The following SOX6 variants were observed in gnomAD, a reference collection of about 807,000 sequenced individuals.
SOX6 encodes the protein transcription factor SOX-6.
Under a neutral mutation model 97.8 loss-of-function variants are expected in SOX6, and 11 were observed. That is an observed-to-expected ratio of 0.11 (90% CI 0.07 to 0.19). The LOEUF (loss-of-function observed/expected upper bound fraction) is 0.19. SOX6 is among the 10% of genes least tolerant of loss of function. The pLI, the probability that SOX6 is intolerant of heterozygous loss-of-function variation, is 1.00. For missense variants in SOX6, 810 were observed against 1,039.5 expected, an observed-to-expected ratio of 0.78 and a Z score of 3.04; for synonymous variants, 360 against 371.4, an observed-to-expected ratio of 0.97 and a Z score of 0.35.
chr11:16,346,704 C>T (rs1856786075), intron 1 of SOX6, among the ~76,000 whole-genome samples: 2 of 152,046 alleles, frequency 1.3e-5, no homozygotes, highest in Non-Finnish European at 1.5e-5. Flanking sequence ...TGTAGCAGCA[C>T]TTTCAGAACA....
At chr11:16,257,842 A>G (rs1853739180) in intron 3 of SOX6, among the ~76,000 whole-genome samples, 1 of 91,314 alleles carries the variant, frequency 1.1e-5, no homozygotes, top group South Asian at 3.8e-4. Flanking sequence ...ATATACAAAT[A>G]ACTCTTAAAA....
chr11:16,524,693 T>C (rs1861126821), intron 4 of SOX6, among the ~76,000 whole-genome samples: 2 of 152,058 alleles, frequency 1.3e-5, no homozygotes, highest in Admixed American at 1.3e-4. Context: ...AGTCAAATTG[T>C]CCCCGTTTGC....
chr11:16,708,696 T>C (rs1848154663), intron 3 of SOX6, among the ~76,000 whole-genome samples: 1 of 152,176 alleles, frequency 6.6e-6, no homozygotes, highest in South Asian at 2.1e-4. Context: ...TTTTTCTTTA[T>C]CCTCATAGAG....
intron 4 of SOX6, among the ~76,000 whole-genome samples, chr11:16,513,354 C>T (rs1054090737): frequency 2.0e-5 from 3 of 152,162 alleles, no homozygotes; most frequent in Non-Finnish European, 2.9e-5. Context: ...GGAAGGGGGC[C>T]GGGCACAGTG....
chr11:16,698,245 G>C (rs1848068320), intron 3 of SOX6, among the ~76,000 whole-genome samples: 1 of 152,184 alleles, frequency 6.6e-6, no homozygotes, highest in African/African-American at 2.4e-5. Flanking sequence ...GTAACTTACT[G>C]CAGTTTTTTC....
rs541607480 is a variant in SOX6 at position 16,242,778 on chromosome 11, T to A, written c.446-8107A>T. Among the ~76,000 whole-genome samples, 3 of 152,116 alleles carry A rather than the reference T, an allele frequency of 2.0e-5. No individual in the cohort carries two copies. The South Asian group carries it at 6.2e-4, about 31-fold the overall frequency. ...TTAAATTATAAAATGTTTTTACTGATAAAATATCCATTTTTATCTATTTTA... is the reference window on the plus strand; with the variant it reads ...TTAAATTATAAAATGTTTTTACTGAAAAAATATCCATTTTTATCTATTTTA... On this transcript the variant is annotated intron_variant, in intron 3 of 15. Coordinates refer to ENST00000683767, the MANE Select transcript of SOX6 (RefSeq NM_001367873.1).
At chr11:16,548,560 A>T (rs1234933617) in intron 4 of SOX6, among the ~76,000 whole-genome samples, 1 of 152,170 alleles carries the variant, frequency 6.6e-6, no homozygotes, top group Non-Finnish European at 1.5e-5. Flanking sequence ...GCCTTGGCTT[A>T]GGTAAAGATA....
chr11:16,014,105 GTC>G (rs1486507384), intron 13 of SOX6, among the ~76,000 whole-genome samples: 1 of 152,050 alleles, frequency 6.6e-6, no homozygotes, highest in Non-Finnish European at 1.5e-5. Context: ...GGGAAAACCA[GTC>G]TCTACTCTGT....
chr11:16,061,282 C>T (rs1169419947), intron 9 of SOX6, among the ~76,000 whole-genome samples: 1 of 128,222 alleles, frequency 7.8e-6, no homozygotes, highest in African/African-American at 2.9e-5. Context: ...AGAAAGAAGG[C>T]AATCCCAGTT....
intron 5 of SOX6, 76 bp downstream of exon 5, chr11:16,186,707 G>T: frequency 6.9e-7 from 1 of 1,456,802 alleles, no homozygotes; most frequent in Non-Finnish European, 9.6e-7. Context: ...CAACAAATAA[G>T]CCAATCAATT....
chr11:16,022,441 T>G (rs1161432535), intron 12 of SOX6, among the ~76,000 whole-genome samples: 1 of 149,158 alleles, frequency 6.7e-6, no homozygotes, highest in Non-Finnish European at 1.5e-5. Flanking sequence ...TGACAGAGTC[T>G]CATTCTATTG....
intron 1 of SOX6, among the ~76,000 whole-genome samples, chr11:16,426,839 G>A (rs1363832450): frequency 4.1e-5 from 6 of 147,968 alleles, no homozygotes; most frequent in Admixed American, 6.7e-5. Context: ...GCGTGAACCC[G>A]GGAGGCGGAG....
chr11:16,419,316 T>A (rs1858984961), intron 1 of SOX6, among the ~76,000 whole-genome samples: 1 of 152,302 alleles, frequency 6.6e-6, no homozygotes, highest in East Asian at 1.9e-4. Flanking sequence ...AGAGTTTAAA[T>A]GAGTATGGTC....
intron 4 of SOX6, among the ~76,000 whole-genome samples, chr11:16,528,411 A>AGTT (rs1440857204): frequency 2.0e-5 from 3 of 152,048 alleles, no homozygotes; most frequent in Admixed American, 1.3e-4. Flanking sequence ...ACTTGTCCAA[A>AGTT]GTTATTCAGA....
intron 1 of SOX6, among the ~76,000 whole-genome samples, chr11:16,471,661 G>T (rs1229694920): frequency 6.6e-6 from 1 of 152,138 alleles, no homozygotes; most frequent in Non-Finnish European, 1.5e-5. Flanking sequence ...AGTCTAAGTG[G>T]TTGAACAGTT....
At chr11:16,043,620 T>G (rs1304447811) in intron 12 of SOX6, among the ~76,000 whole-genome samples, 3 of 152,214 alleles carry the variant, frequency 2.0e-5, no homozygotes, top group Admixed American at 2.0e-4. Flanking sequence ...AGCATCCCTA[T>G]GCCTGTTAGT....
At chr11:16,142,916 GA>G in intron 6 of SOX6, among the ~76,000 whole-genome samples, 1 of 152,156 alleles carries the variant, frequency 6.6e-6, no homozygotes, top group South Asian at 2.1e-4. Context: ...AACCAAGTTG[GA>G]AAACACTCTG....
intron 1 of SOX6, among the ~76,000 whole-genome samples, chr11:16,467,340 A>G (rs1201496266): frequency 6.6e-6 from 1 of 152,240 alleles, no homozygotes; most frequent in Non-Finnish European, 1.5e-5. Flanking sequence ...ATGCATGCAT[A>G]TGTTAATTGC....
chr11:16,032,481 T>C (rs1333308272), intron 12 of SOX6, among the ~76,000 whole-genome samples: 2 of 152,142 alleles, frequency 1.3e-5, no homozygotes, highest in African/African-American at 4.8e-5. Context: ...CACCCTGAGG[T>C]TTCTCCCAGA....
Sources: gnomAD v4.1 joint callset for allele counts (sites outside exome capture counted in the v4.1 genomes callset) on GRCh38, gnomAD v4.1.1 for gene constraint, MANE v1.5 for transcripts, NCBI Gene and HGNC (gene_info 2026-07-23, HGNC 2026-07-21) for gene names.